The following NEK6 variants were observed in gnomAD, a reference collection of about 807,000 sequenced individuals.
The protein encoded by NEK6 is serine/threonine-protein kinase Nek6.
Under a neutral mutation model 43.5 loss-of-function variants are expected in NEK6, and 27 were observed. The ratio of observed to expected loss-of-function variants is 0.62; its 90% CI spans 0.46 to 0.86. The LOEUF is 0.86. Among genes scored for constraint, NEK6 ranks in the 40% least tolerant of loss-of-function variants. The pLI is 0.00. For synonymous variants in NEK6, 167 were observed against 164.1 expected, an observed-to-expected ratio of 1.02 and a Z score of -0.14; for missense variants, 318 against 414.4, an observed-to-expected ratio of 0.77 and a Z score of 2.02.
chr9:124,311,142 A>G (rs534631929), intron 2 of NEK6, among the ~76,000 whole-genome samples: 2 of 152,140 alleles, frequency 1.3e-5, no homozygotes, highest in Admixed American at 6.5e-5. Context: ...CAGGTGGGGA[A>G]GCAGCTGTCA....
chr9:124,342,089 G>A (rs1057377072), intron 8 of NEK6, among the ~76,000 whole-genome samples: 4 of 152,162 alleles, frequency 2.6e-5, no homozygotes, highest in African/African-American at 7.2e-5. Context: ...CACCAAGGTC[G>A]CTGAGGCTAG....
chr9:124,281,492 T>TG (rs1564619951), intron 1 of NEK6, among the ~76,000 whole-genome samples: 1 of 87,492 alleles, frequency 1.1e-5, no homozygotes, highest in East Asian at 3.3e-4. Context: ...TTTTTCTTTT[T>TG]TTTTTTTTTT....
chr9:124,278,433 C>G (rs760465711), intron 1 of NEK6, among the ~76,000 whole-genome samples: 15 of 152,152 alleles, frequency 9.9e-5, no homozygotes, highest in Non-Finnish European at 1.8e-4. Flanking sequence ...GGGCTGTTTC[C>G]AGGTCTGTCC....
Position 124,276,609 on chromosome 9 carries a change from T to A in NEK6, c.-30+18524T>A, listed in dbSNP as rs545896570. ...GCTGGAGTGTGTGCAGAGGGGCCAG[T>A]GCTTGAGCCTGAATCTTCACAGCCC... On this transcript the variant is annotated intron_variant, in intron 1 of 9. Transcript: ENST00000320246. Among the ~76,000 whole-genome samples the A allele has an allele frequency of 3.5e-4, 53 of 152,360 alleles. 2 individuals are homozygous for A. In the South Asian group the frequency reaches 0.011, roughly 31 times the overall value.
intron 9 of NEK6, among the ~76,000 whole-genome samples, chr9:124,350,430 G>A (rs1046260804): frequency 7.9e-5 from 12 of 152,124 alleles, no homozygotes; most frequent in Non-Finnish European, 1.8e-4. Flanking sequence ...ATGTTAATGC[G>A]TTTATTATGA....
Position 124,321,437 on chromosome 9 carries a change from C to T in NEK6, c.295-22C>T, listed in dbSNP as rs371273970. ...TCCCGTCTTCACTTGGTGCCCCCTT[C>T]CCTCTTTCCCTCCTCATGCAGCAAC... On this transcript the variant is annotated intron_variant, in intron 4 of 9. Coordinates refer to ENST00000320246, the MANE Select transcript of NEK6 (RefSeq NM_014397.6). 74 of 1,521,264 alleles carry T rather than the reference C, an allele frequency of 4.9e-5. No homozygotes were observed. In the African/African-American group the frequency reaches 7.8e-4, roughly 16 times the overall value. 94.2% of individuals were successfully genotyped at this position (1,521,264 alleles called of 1,614,324 possible).
chr9:124,300,132 A>T (rs892308201), intron 1 of NEK6: 1 of 152,236 alleles, frequency 6.6e-6, no homozygotes, highest in Non-Finnish European at 1.5e-5. Flanking sequence ...CTTTGAGGGC[A>T]CAACTTGGGA....
intron 2 of NEK6, among the ~76,000 whole-genome samples, chr9:124,305,520 C>T (rs1054512068): frequency 1.3e-4 from 19 of 149,178 alleles, no homozygotes; most frequent in Non-Finnish European, 1.5e-5. Flanking sequence ...CACCATTGCA[C>T]TCCAGCCTGG....
At chr9:124,334,970 AG>A (rs1384186943) in intron 7 of NEK6, among the ~76,000 whole-genome samples, 2 of 152,178 alleles carry the variant, frequency 1.3e-5, no homozygotes, top group Non-Finnish European at 2.9e-5. Flanking sequence ...TCAGACAGGA[AG>A]GGGCTTGGCC....
chr9:124,262,580 C>T (rs1831073952), intron 1 of NEK6, among the ~76,000 whole-genome samples: 1 of 152,230 alleles, frequency 6.6e-6, no homozygotes, highest in Non-Finnish European at 1.5e-5. Context: ...TTCTTGGCCT[C>T]CAGCAAGGGC....
intron 1 of NEK6, among the ~76,000 whole-genome samples, chr9:124,267,715 G>T (rs1004306046): frequency 6.6e-6 from 1 of 152,206 alleles, no homozygotes; most frequent in African/African-American, 2.4e-5. Context: ...CTGTGACCAG[G>T]TTTCATGATG....
chr9:124,347,888 C>T, intron 9 of NEK6, 66 bp downstream of exon 9: 2 of 902,668 alleles, frequency 2.2e-6, no homozygotes, highest in Non-Finnish European at 3.6e-6. Flanking sequence ...GAGGGCCGCT[C>T]CAAAACACCA....
At position 124,285,419 on chromosome 9, in the gene NEK6, C is replaced by T. The variant is rs115844052; in HGVS notation, c.-29-16517C>T. Reference sequence around the variant, plus strand: ...ACCTGCATGTAAAACTCCAAGCGGACATCAGAGTGGGTTCGTCTGTTCCTG... The same window carrying T: ...ACCTGCATGTAAAACTCCAAGCGGATATCAGAGTGGGTTCGTCTGTTCCTG... On this transcript the variant is annotated intron_variant, in intron 1 of 9. Coordinates refer to ENST00000320246, the MANE Select transcript of NEK6 (RefSeq NM_014397.6). Among the ~76,000 whole-genome samples, 1,086 of 152,286 alleles carry T rather than the reference C, an allele frequency of 7.1e-3. 14 individuals carry two copies. Among genetic ancestry groups the T allele is most frequent in the African/African-American group, 0.025 (1,038 of 41,550 alleles).
At chr9:124,319,310 T>G (rs533575799) in intron 4 of NEK6, among the ~76,000 whole-genome samples, 42 of 130,620 alleles carry the variant, frequency 3.2e-4, no homozygotes, top group Middle Eastern at 3.5e-3. Context: ...TAATGTTTTG[T>G]TTTTTTTTAT....
At chr9:124,334,745 G>A (rs761285360) in intron 7 of NEK6, among the ~76,000 whole-genome samples, 1 of 152,214 alleles carries the variant, frequency 6.6e-6, no homozygotes, top group Non-Finnish European at 1.5e-5. Context: ...GTGGAAAAGC[G>A]GGCTGGGGCT....
intron 8 of NEK6, among the ~76,000 whole-genome samples, chr9:124,345,502 A>G (rs1360868010): frequency 2.6e-5 from 4 of 152,206 alleles, no homozygotes; most frequent in African/African-American, 4.8e-5. Context: ...GAGCAGAGAC[A>G]TGATGGGAAG....
chr9:124,343,209 G>T lies in NEK6; in HGVS notation c.717+3544G>T, dbSNP rs536477657. On this transcript the variant is annotated intron_variant, in intron 8 of 9. Transcript: ENST00000320246. This position sits in a 1 kb window ranked among gnomAD's most constrained non-coding sequence, Gnocchi z 5.1. ...GTGGGGCTGTGCGGCTCGCAGCTGG[G>T]GGGGCTGGACCACAGCCGGGGGGCG... is the stretch of plus-strand genomic sequence containing the variant. Among the ~76,000 whole-genome samples the T allele has an allele frequency of 6.6e-6, 1 of 151,680 alleles. No homozygotes were observed. The highest frequency in any genetic ancestry group is 1.5e-5 in the Non-Finnish European group (1 of 67,862).
At chr9:124,262,680 G>C (rs975426323) in intron 1 of NEK6, among the ~76,000 whole-genome samples, 1 of 152,256 alleles carries the variant, frequency 6.6e-6, no homozygotes, top group African/African-American at 2.4e-5. Context: ...TGAAAGATGG[G>C]GTGGCCGAGA....
rs1834231587 is a variant in NEK6 at position 124,324,446 on chromosome 9, A to G, written c.406-1884A>G. On this transcript the variant is annotated intron_variant, in intron 5 of 9. Transcript: ENST00000320246. This position sits in a 1 kb window ranked among gnomAD's most constrained non-coding sequence, Gnocchi z 5.3. Reference sequence around the variant, plus strand: ...GTTATTTACGAGGAAGAGTGAAGCTAGGAGCTGCCGTAGCCCCAGAACCCA... The same window carrying G: ...GTTATTTACGAGGAAGAGTGAAGCTGGGAGCTGCCGTAGCCCCAGAACCCA... Among the ~76,000 whole-genome samples the G allele has an allele frequency of 6.6e-6, 1 of 152,332 alleles. No homozygotes were observed. Among genetic ancestry groups the G allele is most frequent in the Admixed American group, 6.5e-5 (1 of 15,304 alleles).
Sources: gnomAD v4.1 joint callset for allele counts (sites outside exome capture counted in the v4.1 genomes callset) on GRCh38, gnomAD v4.1.1 for gene constraint, Gnocchi (gnomAD v3.1) non-coding constraint, MANE v1.5 for transcripts, NCBI Gene and HGNC (gene_info 2026-07-23, HGNC 2026-07-21) for gene names.